The following TRPC4 variants were observed in gnomAD, a reference collection of about 807,000 sequenced individuals.
TRPC4 encodes the protein short transient receptor potential channel 4.
A neutral mutation model predicts 99.4 loss-of-function variants in TRPC4; 49 were observed. The ratio of observed to expected loss-of-function variants is 0.49; its 90% CI spans 0.39 to 0.63. The LOEUF (loss-of-function observed/expected upper bound fraction) is 0.63. Among genes scored for constraint, TRPC4 ranks in the 20% least tolerant of loss-of-function variants. The probability of loss-of-function intolerance (pLI) is 0.00; values close to 1 mark genes in which losing one functional copy is unlikely to be tolerated. For synonymous variants in TRPC4, 454 were observed against 425.9 expected (o/e 1.07, Z -0.81); for missense variants, 898 against 1,152.9 (o/e 0.78, Z 3.20).
chr13:37,717,562 G>A (rs889258493), intron 3 of TRPC4, among the ~76,000 whole-genome samples: 4 of 152,108 alleles, frequency 2.6e-5, no homozygotes, highest in Non-Finnish European at 4.4e-5. Context: ...GAACCTTAGA[G>A]TGTGACAGTA....
intron 1 of TRPC4, among the ~76,000 whole-genome samples, chr13:37,832,313 G>A (rs1452415355): frequency 1.3e-5 from 2 of 152,188 alleles, no homozygotes; most frequent in Admixed American, 6.5e-5. Context: ...AGGCTGAGGC[G>A]GGCAGATCAT....
chr13:37,811,331 A>C (rs1957679253), intron 1 of TRPC4, among the ~76,000 whole-genome samples: 1 of 152,150 alleles, frequency 6.6e-6, no homozygotes, highest in African/African-American at 2.4e-5. Flanking sequence ...AAAATAAATG[A>C]AACAACAGAT....
At chr13:37,787,357 T>C (rs921880644) in intron 1 of TRPC4, among the ~76,000 whole-genome samples, 17 of 152,072 alleles carry the variant, frequency 1.1e-4, no homozygotes, top group African/African-American at 4.1e-4. Context: ...TGGAATCTAA[T>C]ATGAAATAAC....
chr13:37,636,703 T>G lies in TRPC4; in HGVS notation c.*200A>C. 1 of 554,766 alleles carries G rather than the reference T, an allele frequency of 1.8e-6. No individual in the cohort carries two copies. The highest frequency in any genetic ancestry group is 2.9e-6 in the Non-Finnish European group (1 of 350,708). 34.4% of individuals were successfully genotyped at this position (554,766 alleles called of 1,614,324 possible). A position where few individuals can be genotyped will look rare whatever the true frequency, so the allele number is the denominator to read the frequency against. ...ACAAAAACAATTGTAAGACAAATTG[T>G]GAAAGCAAAAGCAGGCTACAAAACA... On this transcript the variant is annotated 3_prime_UTR_variant, in exon 11 of 11. Coordinates refer to ENST00000379705, the MANE Select transcript of TRPC4 (RefSeq NM_016179.4).
intron 5 of TRPC4, among the ~76,000 whole-genome samples, chr13:37,673,583 GAAAGAAACCCAACA>G (rs1952938336): frequency 6.6e-6 from 1 of 151,950 alleles, no homozygotes; most frequent in Middle Eastern, 3.2e-3. Context: ...CCTCTGGGTT[GAAAGAAACCCAACA>G]AAGTACAAAA....
At chr13:37,686,554 G>T (rs1488120926) in intron 4 of TRPC4, among the ~76,000 whole-genome samples, 2 of 151,672 alleles carry the variant, frequency 1.3e-5, no homozygotes, top group Non-Finnish European at 2.9e-5. Context: ...TCTTCAATTT[G>T]GTAGGCCTTG....
At chr13:37,739,574 C>T (rs139633530) in intron 3 of TRPC4, among the ~76,000 whole-genome samples, 4 of 147,598 alleles carry the variant, frequency 2.7e-5, no homozygotes, top group South Asian at 2.1e-4. Flanking sequence ...GGTATGATCT[C>T]GGCTCACTGC....
At chr13:37,659,198 G>A (rs1281509183) in intron 6 of TRPC4, among the ~76,000 whole-genome samples, 14 of 152,012 alleles carry the variant, frequency 9.2e-5, no homozygotes, top group Admixed American at 9.2e-4. Flanking sequence ...GTGGATTGTG[G>A]GTTGCTCACA....
At chr13:37,781,205 A>AC (rs1956829913) in intron 2 of TRPC4, among the ~76,000 whole-genome samples, 1 of 152,114 alleles carries the variant, frequency 6.6e-6, no homozygotes, top group African/African-American at 2.4e-5. Flanking sequence ...TAGAAAATAG[A>AC]ACTAAGAAGG....
At chr13:37,833,097 T>G (rs1199324937) in intron 1 of TRPC4, among the ~76,000 whole-genome samples, 1 of 152,154 alleles carries the variant, frequency 6.6e-6, no homozygotes, top group East Asian at 1.9e-4. Context: ...GCTCCTTCAT[T>G]ATTGATTTGG....
intron 1 of TRPC4, among the ~76,000 whole-genome samples, chr13:37,845,239 T>C (rs991126470): frequency 6.6e-6 from 1 of 151,860 alleles, no homozygotes; most frequent in Non-Finnish European, 1.5e-5. Context: ...TGTAAGTACA[T>C]GAGGATGATG....
intron 1 of TRPC4, among the ~76,000 whole-genome samples, chr13:37,820,883 G>A (rs925696371): frequency 2.6e-5 from 4 of 152,092 alleles, no homozygotes; most frequent in Admixed American, 6.6e-5. Flanking sequence ...AACAAAACAA[G>A]GATGTCCTCT....
chr13:37,689,889 T>A (rs1352645476), intron 4 of TRPC4, among the ~76,000 whole-genome samples: 2 of 152,222 alleles, frequency 1.3e-5, no homozygotes, highest in African/African-American at 4.8e-5. Context: ...GCAGAAGGGC[T>A]CTTTGTTGCC....
chr13:37,779,447 A>T (rs1054910341), intron 2 of TRPC4, among the ~76,000 whole-genome samples: 10 of 151,846 alleles, frequency 6.6e-5, no homozygotes, highest in African/African-American at 2.4e-4. Flanking sequence ...AACTAAATTC[A>T]ATACCCTGAT....
At chr13:37,720,989 G>C (rs1222713295) in intron 3 of TRPC4, among the ~76,000 whole-genome samples, 5 of 152,162 alleles carry the variant, frequency 3.3e-5, no homozygotes, top group Non-Finnish European at 5.9e-5. Context: ...GTACTTGGAA[G>C]AATTTGAAGA....
chr13:37,643,739 T>G (rs577339545), intron 8 of TRPC4, among the ~76,000 whole-genome samples: 1 of 152,282 alleles, frequency 6.6e-6, no homozygotes, highest in African/African-American at 2.4e-5. Flanking sequence ...CAGTGGTTAC[T>G]AGGCACCTGG....
chr13:37,770,885 C>T (rs567014126), intron 2 of TRPC4, among the ~76,000 whole-genome samples: 2 of 151,566 alleles, frequency 1.3e-5, no homozygotes, highest in Admixed American at 6.6e-5. Context: ...TTCCCCAAAC[C>T]ACGAAATAGT....
intron 6 of TRPC4, among the ~76,000 whole-genome samples, chr13:37,656,804 T>C (rs923597099): frequency 6.6e-6 from 1 of 152,132 alleles, no homozygotes; most frequent in Non-Finnish European, 1.5e-5. Context: ...AAACTCGGAA[T>C]AAGGATGAAG....
intron 2 of TRPC4, among the ~76,000 whole-genome samples, chr13:37,763,727 C>G (rs1956285572): frequency 6.6e-6 from 1 of 151,622 alleles, no homozygotes; most frequent in African/African-American, 2.4e-5. Flanking sequence ...AGGTGGGAAA[C>G]CACAAGGATG....
Sources: allele counts gnomAD v4.1 joint callset (sites outside exome capture counted in the v4.1 genomes callset), GRCh38; gene constraint gnomAD v4.1.1; transcripts MANE v1.5; gene names NCBI Gene and HGNC (gene_info 2026-07-23, HGNC 2026-07-21).